The following CSGALNACT1 variants were observed in gnomAD, a reference collection of about 807,000 sequenced individuals.
CSGALNACT1 encodes beta4GalNAcT-1.
A neutral mutation model predicts 51.0 loss-of-function variants in CSGALNACT1; 52 were observed. That is an observed-to-expected ratio of 1.02 (90% CI 0.82 to 1.29). The LOEUF is 1.29. CSGALNACT1 is among the 50% of genes most tolerant of loss of function. CSGALNACT1 has a pLI of 0.00. For missense variants in CSGALNACT1, 935 were observed against 679.2 expected (o/e 1.38, Z -4.19); for synonymous variants, 341 against 254.4 (o/e 1.34, Z -3.24).
intron 9 of CSGALNACT1, 115 bp from the exon 9 acceptor site, chr8:19,406,184 C>A (rs2054137107): frequency 8.4e-7 from 1 of 1,191,918 alleles, no homozygotes; most frequent in African/African-American, 1.5e-5. Flanking sequence ...GCGTGCTTCA[C>A]CACCACCCCT....
At chr8:19,437,507 C>G (rs533257981) in intron 6 of CSGALNACT1, among the ~76,000 whole-genome samples, 1 of 152,022 alleles carries the variant, frequency 6.6e-6, no homozygotes, top group Non-Finnish European at 1.5e-5. Context: ...GAGAGGTGGC[C>G]TGACCAGCAA....
chr8:19,600,449 T>A (rs1322047051), intron 2 of CSGALNACT1, among the ~76,000 whole-genome samples: 1 of 152,178 alleles, frequency 6.6e-6, no homozygotes, highest in East Asian at 1.9e-4. Context: ...CTAATTATGG[T>A]CTACATGGGG....
chr8:19,682,963 T>C, upstream of CSGALNACT1: 2 of 300,972 alleles, frequency 6.6e-6, no homozygotes, highest in South Asian at 5.9e-5. Context: ...TTCGCTGCAG[T>C]CCTTCGTAAA....
At chr8:19,404,838 A>G (rs1563230591) in exon 10 of CSGALNACT1, 1 of 454,452 alleles carries the variant, frequency 2.2e-6, no homozygotes, top group Non-Finnish European at 4.4e-6. Context: ...AGAAAGTGTC[A>G]TTTTCTTTTC....
At chr8:19,496,333 C>T (rs2153975197) in intron 4 of CSGALNACT1, among the ~76,000 whole-genome samples, 1 of 152,290 alleles carries the variant, frequency 6.6e-6, no homozygotes. Context: ...TAATAAGGGA[C>T]TTCCAGATTT....
intron 1 of CSGALNACT1, among the ~76,000 whole-genome samples, chr8:19,654,931 T>G (rs1252177452): frequency 6.6e-6 from 1 of 151,990 alleles, no homozygotes; most frequent in Admixed American, 6.6e-5. Flanking sequence ...AAGAAAGTAT[T>G]CCCCTAGTTC....
chr8:19,670,378 C>A (rs1025319687), intron 1 of CSGALNACT1, among the ~76,000 whole-genome samples: 1 of 152,108 alleles, frequency 6.6e-6, no homozygotes, highest in Non-Finnish European at 1.5e-5. Context: ...ATTTTAACAA[C>A]AGAAGATTAC....
At chr8:19,685,972 A>G (rs901732801), upstream of CSGALNACT1, among the ~76,000 whole-genome samples, 2 of 152,204 alleles carry the variant, frequency 1.3e-5, no homozygotes, top group Admixed American at 1.3e-4. Context: ...ATACTCATGT[A>G]TCGAAACAAT....
At chr8:19,485,106 C>T (rs1446756404) in intron 4 of CSGALNACT1, among the ~76,000 whole-genome samples, 2 of 152,292 alleles carry the variant, frequency 1.3e-5, no homozygotes, top group South Asian at 2.1e-4. Context: ...TATAATACAA[C>T]CAATGATGGC....
chr8:19,618,618 G>A (rs1483901287), intron 1 of CSGALNACT1, among the ~76,000 whole-genome samples: 10 of 97,108 alleles, frequency 1.0e-4, no homozygotes, highest in Non-Finnish European at 1.3e-4. Flanking sequence ...GGTGACAGAG[G>A]AATACTCCAT....
intron 4 of CSGALNACT1, among the ~76,000 whole-genome samples, chr8:19,468,880 T>C (rs905930704): frequency 1.3e-5 from 2 of 151,570 alleles, no homozygotes; most frequent in Non-Finnish European, 2.9e-5. Flanking sequence ...CCAGGAAGAG[T>C]CTGTAGATTA....
intron 3 of CSGALNACT1, among the ~76,000 whole-genome samples, chr8:19,551,521 G>A (rs1359173431): frequency 3.9e-5 from 6 of 152,148 alleles, no homozygotes; most frequent in African/African-American, 1.4e-4. Context: ...TCGGTTCACT[G>A]GCAATAAACT....
chr8:19,646,598 G>C (rs924098693), intron 1 of CSGALNACT1, among the ~76,000 whole-genome samples: 1 of 152,114 alleles, frequency 6.6e-6, no homozygotes, highest in Admixed American at 6.5e-5. Flanking sequence ...GAATACCATA[G>C]TGGATAAGGA....
At chr8:19,672,708 C>T (rs1243326537) in intron 1 of CSGALNACT1, among the ~76,000 whole-genome samples, 1 of 35,078 alleles carries the variant, frequency 2.9e-5, no homozygotes, top group African/African-American at 2.8e-4. Flanking sequence ...ATTCCGAATT[C>T]CAACCATAGT....
intron 2 of CSGALNACT1, among the ~76,000 whole-genome samples, chr8:19,591,560 T>C (rs571357026): frequency 6.6e-5 from 10 of 152,178 alleles, no homozygotes; most frequent in South Asian, 2.1e-4. Flanking sequence ...CCAAACCATC[T>C]TAATTGTAGA....
At chr8:19,652,295 T>C (rs1242195453) in intron 1 of CSGALNACT1, among the ~76,000 whole-genome samples, 1 of 152,144 alleles carries the variant, frequency 6.6e-6, no homozygotes, top group African/African-American at 2.4e-5. Context: ...ATGAGGTTGA[T>C]TAATAATAAC....
chr8:19,555,950 G>A (rs757289351), intron 3 of CSGALNACT1, among the ~76,000 whole-genome samples: 6 of 152,090 alleles, frequency 3.9e-5, no homozygotes, highest in Non-Finnish European at 8.8e-5. Flanking sequence ...TTGGCTTCTC[G>A]AGTCCCATTT....
chr8:19,485,715 G>T (rs1018873473), intron 4 of CSGALNACT1, among the ~76,000 whole-genome samples: 4 of 129,742 alleles, frequency 3.1e-5, no homozygotes, highest in Non-Finnish European at 4.7e-5. Context: ...GTAAAACATA[G>T]ATTTACTGGG....
intron 2 of CSGALNACT1, among the ~76,000 whole-genome samples, chr8:19,600,128 G>C (rs2050086072): frequency 6.6e-6 from 1 of 152,068 alleles, no homozygotes; most frequent in Admixed American, 6.6e-5. Flanking sequence ...TGTTGCCCAG[G>C]CTGGAGTGCA....
Sources: allele counts gnomAD v4.1 joint callset (sites outside exome capture counted in the v4.1 genomes callset), GRCh38; gene constraint gnomAD v4.1.1; transcripts MANE v1.5; gene names NCBI Gene and HGNC (gene_info 2026-07-23, HGNC 2026-07-21).